The following DLGAP1 variants were observed in gnomAD, a reference collection of about 807,000 sequenced individuals.
The protein encoded by DLGAP1 is DLG associated protein 1, also known as disks large-associated protein 1.
In DLGAP1, 11 loss-of-function variants were observed where a neutral mutation model predicts 90.8. That is an observed-to-expected ratio of 0.12 (90% confidence interval 0.08 to 0.20). DLGAP1 has a LOEUF of 0.20. Ranked by LOEUF, DLGAP1 falls within the 10% of genes least tolerant of loss-of-function variation. DLGAP1 has a pLI of 1.00. For missense variants in DLGAP1, 1,050 were observed against 1,333.8 expected (o/e 0.79, Z 3.31); for synonymous variants, 558 against 540.7 (o/e 1.03, Z -0.44).
At chr18:4,057,157 G>A (rs1267496037) in intron 2 of DLGAP1, among the ~76,000 whole-genome samples, 1 of 151,806 alleles carries the variant, frequency 6.6e-6, no homozygotes, top group Non-Finnish European at 1.5e-5. Context: ...CTGATGGTTA[G>A]GCAGTTTTTA....
At chr18:3,747,835 T>C (rs577879486) in intron 5 of DLGAP1, among the ~76,000 whole-genome samples, 110 of 152,208 alleles carry the variant, frequency 7.2e-4, no homozygotes, top group African/African-American at 2.6e-3. Context: ...ACACAAAATA[T>C]AAGGAAATGA....
At chr18:4,251,601 T>C (rs542362836) in intron 1 of DLGAP1, among the ~76,000 whole-genome samples, 3 of 152,328 alleles carry the variant, frequency 2.0e-5, no homozygotes, top group Non-Finnish European at 4.4e-5. Flanking sequence ...AGAGTATGTG[T>C]ATCACAAACT....
intron 9 of DLGAP1, among the ~76,000 whole-genome samples, chr18:3,551,982 AT>A: frequency 7.3e-6 from 1 of 137,840 alleles, no homozygotes; most frequent in South Asian, 2.3e-4. Flanking sequence ...CTTTCTTTTT[AT>A]TTTTTGTAGA....
intron 5 of DLGAP1, among the ~76,000 whole-genome samples, chr18:3,812,162 C>T (rs1415558917): frequency 1.3e-5 from 2 of 152,162 alleles, no homozygotes; most frequent in South Asian, 2.1e-4. Flanking sequence ...AACCCTATGG[C>T]CATGACTACC....
chr18:4,286,681 G>A (rs556071366), intron 1 of DLGAP1, among the ~76,000 whole-genome samples: 1 of 152,262 alleles, frequency 6.6e-6, no homozygotes, highest in South Asian at 2.1e-4. Flanking sequence ...GTTCATGATG[G>A]AACTAGTTAG....
chr18:3,751,558 A>AT (rs71160916), intron 5 of DLGAP1, among the ~76,000 whole-genome samples: 1,743 of 117,862 alleles, frequency 0.015, 14 homozygotes, highest in Non-Finnish European at 0.021. Flanking sequence ...ACCCGACAAA[A>AT]TTTTTTTTTT....
chr18:4,326,995 A>G (rs1258228081), intron 1 of DLGAP1, among the ~76,000 whole-genome samples: 1 of 152,092 alleles, frequency 6.6e-6, no homozygotes, highest in Admixed American at 6.6e-5. Context: ...GTACCCCTGG[A>G]CCTAAAGTCA....
rs546908403 is a variant in DLGAP1 at position 4,336,629 on chromosome 18, T to C, written c.-267+118377A>G. ...TGGTCCTGTGGCATCTAATCTTATCTCATGTAAGGGGCTGGGTCAGTGGCT... is the reference window on the plus strand; with the variant it reads ...TGGTCCTGTGGCATCTAATCTTATCCCATGTAAGGGGCTGGGTCAGTGGCT... On this transcript the variant is annotated intron_variant, in intron 1 of 12. Transcript: ENST00000315677. Among the ~76,000 whole-genome samples, 3 of 152,282 alleles carry C rather than the reference T, an allele frequency of 2.0e-5. No homozygotes were observed. In the East Asian group the frequency reaches 5.8e-4, roughly 29 times the overall value.
In DLGAP1 at chr18:3,502,591, T is replaced by A. The variant is rs772728074; in HGVS notation, c.2626A>T (p.Met876Leu). The A allele has an allele frequency of 6.2e-7, 1 of 1,614,166 alleles. No homozygotes were observed. The highest frequency in any genetic ancestry group is 1.1e-5 in the South Asian group (1 of 91,084). Residue 876 changes from methionine to leucine, a missense_variant, in exon 12 of 13, where the codon ATG becomes TTG. Transcript: ENST00000315677. ...ATATTTTCTATGGACAACTGCAGCA[T>A]GTCCCAAAACCCCGCCAAATCCTGG... ...TSQDLAGFWD[M>L]LQLSIENISM...
At chr18:3,975,298 A>G (rs958818486) in intron 3 of DLGAP1, among the ~76,000 whole-genome samples, 1 of 152,234 alleles carries the variant, frequency 6.6e-6, no homozygotes, top group African/African-American at 2.4e-5. Context: ...AGGAAATTGA[A>G]TGGACCTTTC....
chr18:3,647,007 G>A (rs2059146101), intron 7 of DLGAP1, among the ~76,000 whole-genome samples: 1 of 152,088 alleles, frequency 6.6e-6, no homozygotes. Context: ...TCAGCACTTT[G>A]AGAGGCTGAG....
intron 1 of DLGAP1, among the ~76,000 whole-genome samples, chr18:4,198,453 C>T (rs1272657678): frequency 6.7e-6 from 1 of 150,126 alleles, no homozygotes; most frequent in Non-Finnish European, 1.5e-5. Context: ...TGTAATGGGT[C>T]CACGAAACAA....
chr18:4,135,169 A>G (rs2144248820), intron 2 of DLGAP1, among the ~76,000 whole-genome samples: 1 of 152,270 alleles, frequency 6.6e-6, no homozygotes, highest in East Asian at 1.9e-4. Context: ...ATCACAGGTA[A>G]GGGGTGAAGG....
chr18:4,005,557 G>A lies in DLGAP1; in HGVS notation c.-158-356C>T, dbSNP rs181547738. 5.3e-5 allele frequency among the ~76,000 whole-genome samples: 8 copies of A among 152,256 alleles called. No homozygotes were observed. In the East Asian group the frequency reaches 1.4e-3, roughly 26 times the overall value. On this transcript the variant is annotated intron_variant, in intron 2 of 12. Coordinates refer to ENST00000315677, the MANE Select transcript of DLGAP1 (RefSeq NM_004746.4). ...TCTGTTGGCATGTTGTGTGAGTCAC[G>A]TACTGGGTACTCTGGGATGGAGAGA... is the stretch of plus-strand genomic sequence containing the variant.
chr18:3,803,922 AGAT>A (rs1006995725), intron 5 of DLGAP1, among the ~76,000 whole-genome samples: 3 of 146,064 alleles, frequency 2.1e-5, no homozygotes, highest in Non-Finnish European at 4.5e-5. Context: ...CTATCAGGAT[AGAT>A]GATATTTTCT....
intron 7 of DLGAP1, among the ~76,000 whole-genome samples, chr18:3,706,636 A>AT (rs1259565598): frequency 1.3e-5 from 2 of 152,222 alleles, no homozygotes; most frequent in Admixed American, 1.3e-4. Flanking sequence ...GATGGAGCTT[A>AT]TCGAAGGCTT....
Position 3,498,934 on chromosome 18 carries a change from T to C in DLGAP1, c.*251A>G. The stretch of plus-strand genomic sequence containing the variant: ...GAAAATAAAGGGTTGGATCTCAGTA[T>C]GAGGCAGGGCGACGGCATCAGGACA... On this transcript the variant is annotated 3_prime_UTR_variant, in exon 13 of 13. Coordinates refer to ENST00000315677, the MANE Select transcript of DLGAP1 (RefSeq NM_004746.4). The C allele has an allele frequency of 1.9e-6, 1 of 522,364 alleles. No individual in the cohort carries two copies. 32.4% of individuals were successfully genotyped at this position (522,364 alleles called of 1,614,324 possible). A position where few individuals can be genotyped will look rare whatever the true frequency, so the allele number is the denominator to read the frequency against.
At chr18:3,595,303 G>A (rs778630509) in intron 7 of DLGAP1, among the ~76,000 whole-genome samples, 2 of 152,170 alleles carry the variant, frequency 1.3e-5, no homozygotes, top group Non-Finnish European at 2.9e-5. Context: ...GAAATTAAAT[G>A]GTGTTTGGAG....
intron 1 of DLGAP1, among the ~76,000 whole-genome samples, chr18:4,154,657 CTCTTT>C (rs2076726809): frequency 6.6e-6 from 1 of 152,168 alleles, no homozygotes; most frequent in Admixed American, 6.5e-5. Flanking sequence ...TCAGGAAGTC[CTCTTT>C]TCATCTCAGA....
Sources: allele counts gnomAD v4.1 joint callset (sites outside exome capture counted in the v4.1 genomes callset), GRCh38; gene constraint gnomAD v4.1.1; transcripts MANE v1.5; gene names NCBI Gene and HGNC (gene_info 2026-07-23, HGNC 2026-07-21).